PCDHA4: variants seen among roughly 807,000 people sequenced by gnomAD.
The protein encoded by PCDHA4 is protocadherin alpha-4.
PCDHA4 carries 49 observed loss-of-function variants against 61.4 expected under a neutral mutation model. The ratio of observed to expected loss-of-function variants is 0.80; its 90% CI spans 0.63 to 1.01. PCDHA4 has a LOEUF of 1.01. Among genes scored for constraint, PCDHA4 ranks in the 50% least tolerant of loss-of-function variants. The pLI is 0.00. For synonymous variants in PCDHA4, 590 were observed against 550.3 expected (o/e 1.07, Z -1.01); for missense variants, 1,254 against 1,235.8 (o/e 1.01, Z -0.22).
rs2150260681 is a variant in PCDHA4 at position 140,836,426 on chromosome 5, G to A, written c.2385+26854G>A. The stretch of plus-strand genomic sequence containing the variant: ...GCCAGGCACCAAAGGCGTCGTCGCG[G>A]GCATCGTTGGGCATTGCAGGCCCAG... On this transcript the variant is annotated intron_variant, in intron 1 of 3. Transcript: ENST00000530339. 2.7e-5 allele frequency: 44 copies of A among 1,613,710 alleles called. 1 individual carries two copies. The highest frequency in any genetic ancestry group is 3.5e-5 in the Non-Finnish European group (41 of 1,179,868).
At chr5:140,926,330 G>T (rs1269020840) in intron 1 of PCDHA4, 1 of 152,266 alleles carries the variant, frequency 6.6e-6, no homozygotes, top group East Asian at 1.9e-4. Flanking sequence ...CGGGGTCAGA[G>T]CGCCGGGACC....
intron 1 of PCDHA4, chr5:140,877,683 C>T: frequency 6.2e-7 from 1 of 1,613,716 alleles, no homozygotes. Flanking sequence ...CGGGCAAGCC[C>T]ACGCTGGTGT....
Position 140,870,644 on chromosome 5 carries a change from G to A in PCDHA4, c.2385+61072G>A, listed in dbSNP as rs782672271. ...TACGTGTCGGTGCACGCGGAGAGCG[G>A]CAAGGTGTACGCGCTGCAGCCGTTG... is the stretch of plus-strand genomic sequence containing the variant. On this transcript the variant is annotated intron_variant, in intron 1 of 3. Transcript: ENST00000530339. 8.7e-6 allele frequency: 14 copies of A among 1,612,768 alleles called. No homozygotes were observed. In the South Asian group the frequency reaches 1.4e-4, roughly 16 times the overall value.
chr5:140,835,605 G>T, intron 1 of PCDHA4: 1 of 1,613,894 alleles, frequency 6.2e-7, no homozygotes. Context: ...CTATTCATTG[G>T]TGCTGGACAG....
intron 1 of PCDHA4, among the ~76,000 whole-genome samples, chr5:140,948,880 C>G (rs1430288840): frequency 6.6e-6 from 1 of 151,410 alleles, no homozygotes; most frequent in Non-Finnish European, 1.5e-5. Flanking sequence ...TTACTTTGCT[C>G]TCTTTTAGAT....
intron 1 of PCDHA4, chr5:140,967,672 C>T: frequency 1.2e-6 from 2 of 1,614,182 alleles, no homozygotes; most frequent in Non-Finnish European, 8.5e-7. Context: ...ACACGTCGGA[C>T]CGGGAGAGGC....
chr5:140,830,183 G>C, intron 1 of PCDHA4: 1 of 1,613,640 alleles, frequency 6.2e-7, no homozygotes, highest in Non-Finnish European at 8.5e-7. Flanking sequence ...GGATGTCAAC[G>C]TGTACCTGAT....
At chr5:140,870,070 G>A in intron 1 of PCDHA4, 2 of 1,613,880 alleles carry the variant, frequency 1.2e-6, no homozygotes, top group Non-Finnish European at 1.7e-6. Context: ...ACAGGCTACA[G>A]ATAAGGGGAC....
chr5:140,859,869 C>T (rs2046062813), intron 1 of PCDHA4: 1 of 151,680 alleles, frequency 6.6e-6, no homozygotes, highest in South Asian at 2.1e-4. Flanking sequence ...TATATACTTC[C>T]CCCTCTGATA....
rs543512832 is a variant in PCDHA4 at position 140,899,964 on chromosome 5, T to C, written c.2386-78985T>C. On this transcript the variant is annotated intron_variant, in intron 1 of 3. Coordinates refer to ENST00000530339, the MANE Select transcript of PCDHA4 (RefSeq NM_018907.4). Reference sequence around the variant, plus strand: ...CTGGGACCACAGGCATGTGCTGCCATGCCCAGCTACTTTTTTGATTTTTTT... The same window carrying C: ...CTGGGACCACAGGCATGTGCTGCCACGCCCAGCTACTTTTTTGATTTTTTT... 3.3e-5 allele frequency among the ~76,000 whole-genome samples: 5 copies of C among 151,940 alleles called. No individual in the cohort carries two copies. In the South Asian group the frequency reaches 6.2e-4, roughly 19 times the overall value.
chr5:140,977,074 T>C (rs1315038002), intron 1 of PCDHA4, among the ~76,000 whole-genome samples: 1 of 152,244 alleles, frequency 6.6e-6, no homozygotes, highest in Admixed American at 6.5e-5. Flanking sequence ...AATAGCAGCA[T>C]GACAAATTAA....
Position 140,858,600 on chromosome 5 carries a change from T to A in PCDHA4, c.2385+49028T>A, listed in dbSNP as rs1554151852. The stretch of plus-strand genomic sequence containing the variant: ...GTAATATAATTTATTCCAGGAGTTT[T>A]AAAATTTTTTTATCCTACCCAGTGT... On this transcript the variant is annotated intron_variant, in intron 1 of 3. Coordinates refer to ENST00000530339, the MANE Select transcript of PCDHA4 (RefSeq NM_018907.4). 7.0e-6 allele frequency: 9 copies of A among 1,293,864 alleles called. 2 individuals are homozygous for A. The highest frequency in any genetic ancestry group is 3.0e-5 in the African/African-American group (2 of 67,188). The allele number at this position is 1,293,864 out of a possible 1,614,324, so 80.1% of individuals were successfully genotyped here.
chr5:140,927,733 C>T (rs782446148), intron 1 of PCDHA4: 7 of 1,614,198 alleles, frequency 4.3e-6, no homozygotes, highest in South Asian at 2.2e-5. Context: ...AGCAGAGCTG[C>T]GACACCGCTT....
intron 1 of PCDHA4, among the ~76,000 whole-genome samples, chr5:140,978,620 G>A (rs2096812690): frequency 6.6e-6 from 1 of 152,220 alleles, no homozygotes; most frequent in South Asian, 2.1e-4. Context: ...AGCAGTGAAA[G>A]CTTTTCCTTT....
chr5:140,824,026 C>A (rs1387280043), intron 1 of PCDHA4: 19 of 1,614,028 alleles, frequency 1.2e-5, no homozygotes, highest in Non-Finnish European at 1.5e-5. Flanking sequence ...GTCGTACTCG[C>A]AGCAGAGGAG....
chr5:140,922,101 G>A (rs531054386), intron 1 of PCDHA4, among the ~76,000 whole-genome samples: 1 of 152,086 alleles, frequency 6.6e-6, no homozygotes, highest in Admixed American at 6.5e-5. Context: ...ACCAACTATA[G>A]ATAAATGAAA....
chr5:140,836,910 T>G (rs1390319466), intron 1 of PCDHA4: 1 of 576,424 alleles, frequency 1.7e-6, no homozygotes, highest in African/African-American at 1.9e-5. Context: ...TAATATACAC[T>G]TTTGTTTTGG....
chr5:140,967,628 T>C (rs1341456967), intron 1 of PCDHA4: 3 of 1,613,984 alleles, frequency 1.9e-6, no homozygotes, highest in Non-Finnish European at 2.5e-6. Context: ...GGATGAGGGC[T>C]CCAATGGTGA....
chr5:140,932,032 A>G (rs2087965086), intron 1 of PCDHA4, among the ~76,000 whole-genome samples: 1 of 151,934 alleles, frequency 6.6e-6, no homozygotes, highest in African/African-American at 2.4e-5. Context: ...TTTACAGTAT[A>G]TATTAACATA....
Sources: allele counts gnomAD v4.1 joint callset (sites outside exome capture counted in the v4.1 genomes callset), GRCh38; gene constraint gnomAD v4.1.1; transcripts MANE v1.5; gene names NCBI Gene and HGNC (gene_info 2026-07-23, HGNC 2026-07-21).